Variants in ROBO2 observed in about 807,000 individuals in gnomAD.
The protein encoded by ROBO2 is roundabout guidance receptor 2.
Under a neutral mutation model 160.8 loss-of-function variants are expected in ROBO2, and 53 were observed. The ratio of observed to expected loss-of-function variants is 0.33; its 90% CI spans 0.26 to 0.41. The LOEUF is 0.41. Among genes scored for constraint, ROBO2 ranks in the 10% least tolerant of loss-of-function variants. ROBO2 has a pLI of 1.00. For missense variants in ROBO2, 1,577 were observed against 1,722.4 expected, an observed-to-expected ratio of 0.92 and a Z score of 1.49; for synonymous variants, 664 against 611.7, an observed-to-expected ratio of 1.09 and a Z score of -1.26.
intron 2 of ROBO2, among the ~76,000 whole-genome samples, chr3:76,721,302 A>AAG (rs1307913825): frequency 6.6e-6 from 1 of 152,158 alleles, no homozygotes; most frequent in African/African-American, 2.4e-5. Flanking sequence ...CTTCTGTGAT[A>AAG]AGAGAAATAA....
chr3:76,829,977 T>C (rs2066937068), intron 2 of ROBO2, among the ~76,000 whole-genome samples: 1 of 152,194 alleles, frequency 6.6e-6, no homozygotes, highest in African/African-American at 2.4e-5. Context: ...CTAGATGCTA[T>C]GTTTTTTAAG....
chr3:77,481,935 G>A (rs952290444), intron 4 of ROBO2, among the ~76,000 whole-genome samples: 1 of 152,022 alleles, frequency 6.6e-6, no homozygotes, highest in Non-Finnish European at 1.5e-5. Flanking sequence ...GCTGTGGAAG[G>A]TTGAAAGAGA....
chr3:76,828,344 CAGTT>C (rs2066760526), intron 2 of ROBO2, among the ~76,000 whole-genome samples: 1 of 151,954 alleles, frequency 6.6e-6, no homozygotes, highest in African/African-American at 2.4e-5. Flanking sequence ...AAATTTTAAT[CAGTT>C]AATTGATTTA....
At chr3:76,454,158 C>A (rs954960654) in intron 2 of ROBO2, among the ~76,000 whole-genome samples, 1 of 152,100 alleles carries the variant, frequency 6.6e-6, no homozygotes, top group African/African-American at 2.4e-5. Context: ...CTTATTGGAT[C>A]AAATCCTGGG....
rs570267963 is a variant in ROBO2 at position 77,551,288 on chromosome 3, A to G, written c.1231+299A>G. ...ACTGAAATGTAATCTGTATATTTTT[A>G]TTTAGTCTTAGGCTGACATGATTGG... is the stretch of plus-strand genomic sequence containing the variant. On this transcript the variant is annotated intron_variant, in intron 8 of 25. Coordinates refer to ENST00000461745, the Ensembl canonical transcript of ROBO2. Among the ~76,000 whole-genome samples, 3 of 152,126 alleles carry G rather than the reference A, an allele frequency of 2.0e-5. No homozygotes were observed. The South Asian group carries it at 6.2e-4, about 32-fold the overall frequency.
At chr3:77,325,354 T>A (rs1319531139) in intron 2 of ROBO2, among the ~76,000 whole-genome samples, 1 of 152,188 alleles carries the variant, frequency 6.6e-6, no homozygotes, top group Non-Finnish European at 1.5e-5. Flanking sequence ...ACATAACATC[T>A]TTATGAATGT....
At chr3:76,277,592 G>A (rs936236118) in intron 2 of ROBO2, among the ~76,000 whole-genome samples, 20 of 151,718 alleles carry the variant, frequency 1.3e-4, no homozygotes, top group African/African-American at 4.8e-4. Context: ...AATATTAGAG[G>A]GACTACAAAA....
In ROBO2 at chr3:76,510,875, T is replaced by C. The variant is rs2081052499; in HGVS notation, c.109+573273T>C. 2.0e-5 allele frequency among the ~76,000 whole-genome samples: 3 copies of C among 152,194 alleles called. No homozygotes were observed. In the South Asian group the frequency reaches 6.2e-4, roughly 32 times the overall value. ...GAACACATGCCACCTAATGATATGC[T>C]GATTATGAAGCAAGCAAAGATCTAT... is the stretch of plus-strand genomic sequence containing the variant. On this transcript the variant is annotated intron_variant, in intron 2 of 26. Transcript: ENST00000487694.
At chr3:76,017,495 A>G (rs904679875) in intron 2 of ROBO2, among the ~76,000 whole-genome samples, 2 of 152,152 alleles carry the variant, frequency 1.3e-5, no homozygotes, top group African/African-American at 4.8e-5. Context: ...TGGCCATGTT[A>G]TAGTTATAAA....
At chr3:76,070,300 G>T (rs1184997633) in intron 2 of ROBO2, among the ~76,000 whole-genome samples, 1 of 152,078 alleles carries the variant, frequency 6.6e-6, no homozygotes, top group African/African-American at 2.4e-5. Flanking sequence ...TTGAGAAAGA[G>T]TATGCGCACC....
chr3:76,689,418 C>T (rs1251646773), intron 2 of ROBO2, among the ~76,000 whole-genome samples: 3 of 152,040 alleles, frequency 2.0e-5, no homozygotes, highest in Non-Finnish European at 2.9e-5. Flanking sequence ...CTCCAATCCA[C>T]TTTATTAATT....
At chr3:76,817,181 T>A (rs768961457) in intron 2 of ROBO2, among the ~76,000 whole-genome samples, 1 of 152,090 alleles carries the variant, frequency 6.6e-6, no homozygotes, top group Non-Finnish European at 1.5e-5. Flanking sequence ...AACCTGCATG[T>A]TCTGCATGTT....
intron 2 of ROBO2, among the ~76,000 whole-genome samples, chr3:76,761,101 T>G (rs2061280425): frequency 6.6e-6 from 1 of 151,734 alleles, no homozygotes; most frequent in Non-Finnish European, 1.5e-5. Context: ...CAATATGTCC[T>G]TTTTCAAAGG....
chr3:77,465,587 G>A (rs1339907210), intron 2 of ROBO2, among the ~76,000 whole-genome samples: 4 of 152,114 alleles, frequency 2.6e-5, no homozygotes, highest in Non-Finnish European at 5.9e-5. Flanking sequence ...CAGAGGAAAA[G>A]AAGGATTTTA....
intron 2 of ROBO2, among the ~76,000 whole-genome samples, chr3:77,015,875 C>G (rs2149483826): frequency 6.6e-6 from 1 of 152,328 alleles, no homozygotes; most frequent in South Asian, 2.1e-4. Context: ...CACAGCATAT[C>G]CCCACATTTG....
chr3:76,492,944 A>C (rs954974381), intron 2 of ROBO2, among the ~76,000 whole-genome samples: 1 of 152,178 alleles, frequency 6.6e-6, no homozygotes, highest in Non-Finnish European at 1.5e-5. Context: ...TACATTGTAC[A>C]TTGGTTATAA....
intron 2 of ROBO2, among the ~76,000 whole-genome samples, chr3:77,026,793 T>TA (rs2062995609): frequency 1.3e-5 from 2 of 152,194 alleles, no homozygotes; most frequent in Non-Finnish European, 2.9e-5. Context: ...CAGCACTCAA[T>TA]AAAAAATTGT....
intron 2 of ROBO2, among the ~76,000 whole-genome samples, chr3:76,837,803 C>T (rs907080782): frequency 6.6e-6 from 1 of 152,052 alleles, no homozygotes; most frequent in East Asian, 1.9e-4. Context: ...TTGTGCCATA[C>T]TATCTAATAT....
At chr3:77,214,627 G>T (rs910117817) in intron 2 of ROBO2, among the ~76,000 whole-genome samples, 9 of 152,174 alleles carry the variant, frequency 5.9e-5, no homozygotes, top group Non-Finnish European at 7.3e-5. Flanking sequence ...TCATTATGAT[G>T]TTAGCTGGTT....
Sources: gnomAD v4.1 joint callset for allele counts (sites outside exome capture counted in the v4.1 genomes callset) on GRCh38, gnomAD v4.1.1 for gene constraint, MANE v1.5 for transcripts, NCBI Gene and HGNC (gene_info 2026-07-23, HGNC 2026-07-21) for gene names.